The following DDX42 variants were observed in gnomAD, a reference collection of about 807,000 sequenced individuals.
DDX42 encodes DEAD-box helicase 42.
DDX42 carries 22 observed loss-of-function variants against 101.5 expected under a neutral mutation model. The ratio of observed to expected loss-of-function variants is 0.22; its 90% CI spans 0.15 to 0.31. The LOEUF (loss-of-function observed/expected upper bound fraction) is 0.31. Among genes scored for constraint, DDX42 ranks in the 10% least tolerant of loss-of-function variants. The pLI is 1.00. For missense variants in DDX42, 849 were observed against 1,199.9 expected, an observed-to-expected ratio of 0.71 and a Z score of 4.32; for synonymous variants, 402 against 401.2, an observed-to-expected ratio of 1.00 and a Z score of -0.02.
At chr17:63,799,433 G>A (rs1423690324) in intron 4 of DDX42, 156 bp from the exon 5 acceptor site, 3 of 649,772 alleles carry the variant, frequency 4.6e-6, no homozygotes, top group Non-Finnish European at 8.0e-6. Context: ...TATATATAAT[G>A]GGGTGGATAG....
At position 63,812,178 on chromosome 17, in the gene DDX42, A is replaced by T; in HGVS notation, c.1645A>T (p.Ile549Phe). Residue 549 changes from isoleucine (I) to phenylalanine (F), a missense_variant, in exon 14 of 18, where the codon ATC (isoleucine) becomes TTC (phenylalanine). By Grantham distance (21) the Ile-to-Phe change is conservative. Around this residue, in one of 5 missense-constraint regions of DDX42, gnomAD observed 370 missense variants for 608.8 expected, o/e 0.61. Transcript: ENST00000389924. ...KVISDFKKKD[I>F]PVLVATDVAA... ...CATTTCAGACTTTAAGAAAAAGGAC[A>T]TCCCAGTCCTGGTGGCCACAGATGT... is the stretch of plus-strand genomic sequence containing the variant. The T allele has an allele frequency of 6.2e-7, 1 of 1,613,650 alleles. No homozygotes were observed. The highest frequency in any genetic ancestry group is 8.5e-7 in the Non-Finnish European group (1 of 1,179,638).
intron 3 of DDX42, among the ~76,000 whole-genome samples, chr17:63,796,906 C>T (rs2039700243): frequency 6.6e-6 from 1 of 152,134 alleles, no homozygotes; most frequent in South Asian, 2.1e-4. Flanking sequence ...AACACCCGAT[C>T]ATGCCACAGT....
intron 2 of DDX42, among the ~76,000 whole-genome samples, chr17:63,789,577 T>TTTTTG (rs2039599831): frequency 2.7e-5 from 3 of 109,982 alleles, no homozygotes; most frequent in African/African-American, 4.2e-5. Flanking sequence ...TTTTGTTTTT[T>TTTTTG]TTTTTTTTTT....
At chr17:63,811,220 A>T (rs748939185) in intron 13 of DDX42, 47 bp downstream of exon 13, 1 of 1,337,088 alleles carries the variant, frequency 7.5e-7, no homozygotes. Flanking sequence ...TTTATTTCTC[A>T]TATTATGGAA....
chr17:63,785,502 C>T (rs1249338054), intron 1 of DDX42, among the ~76,000 whole-genome samples: 2 of 141,932 alleles, frequency 1.4e-5, no homozygotes, highest in Admixed American at 7.1e-5. Context: ...TGGCTCATGC[C>T]TGTAATCCCA....
chr17:63,809,596 A>G lies in DDX42; in HGVS notation c.1189A>G (p.Asn397Asp). The stretch of plus-strand genomic sequence containing the variant: ...AGATCATGTGAAAAAGAAAGCTACC[A>G]ATCTTCAAAGAGTCTCTTACCTTGT... ...LIDHVKKKATNLQRVSYLVFD... is the reference protein window; with the variant it reads ...LIDHVKKKATDLQRVSYLVFD... The change falls in exon 11 of 18, where the codon AAT (asparagine) becomes GAT (aspartate). Residue 397 changes from asparagine (N) to aspartate (D), a missense_variant. Asn to Asp is a conservative substitution (Grantham distance 23, BLOSUM62 1). Around this residue, in one of 5 missense-constraint regions of DDX42, gnomAD observed 370 missense variants for 608.8 expected, o/e 0.61. Coordinates refer to ENST00000389924, the MANE Select transcript of DDX42 (RefSeq NM_203499.3). The G allele has an allele frequency of 6.2e-7, 1 of 1,614,138 alleles. No homozygotes were observed. Among genetic ancestry groups the G allele is most frequent in the East Asian group, 2.2e-5 (1 of 44,862 alleles).
At chr17:63,815,382 G>C (rs2039964531) in intron 15 of DDX42, among the ~76,000 whole-genome samples, 181 bp from the exon 16 acceptor site, 1 of 152,170 alleles carries the variant, frequency 6.6e-6, no homozygotes, top group Non-Finnish European at 1.5e-5. Flanking sequence ...CAAATTTGGT[G>C]GATTATGCTA....
intron 1 of DDX42, among the ~76,000 whole-genome samples, chr17:63,781,433 G>T (rs1178581722): frequency 6.6e-6 from 1 of 151,942 alleles, no homozygotes; most frequent in East Asian, 2.0e-4. Flanking sequence ...TAGCCAGGAT[G>T]GTCTTGATCT....
intron 6 of DDX42, among the ~76,000 whole-genome samples, chr17:63,801,045 T>C (rs1375800824): frequency 6.6e-6 from 1 of 151,614 alleles, no homozygotes; most frequent in Non-Finnish European, 1.5e-5. Context: ...TTTCTTCTCT[T>C]TTATTTTCTT....
chr17:63,800,366 G>A, intron 5 of DDX42, 102 bp from the exon 6 acceptor site: 2 of 1,123,652 alleles, frequency 1.8e-6, no homozygotes, highest in Non-Finnish European at 2.5e-6. Flanking sequence ...TGGTAGGTAT[G>A]TTAACTGTGC....
At chr17:63,809,484 C>T (rs2039883393) in intron 10 of DDX42, 76 bp from the exon 11 acceptor site, 2 of 1,179,508 alleles carry the variant, frequency 1.7e-6, no homozygotes, top group East Asian at 4.7e-5. Context: ...AGCACTTTTG[C>T]CAGGAGTGCA....
chr17:63,779,704 C>T (rs1252615436), intron 1 of DDX42, among the ~76,000 whole-genome samples: 1 of 152,134 alleles, frequency 6.6e-6, no homozygotes, highest in African/African-American at 2.4e-5. Context: ...CACTCTTCTA[C>T]TCTGTGTCTC....
At chr17:63,779,662 C>T (rs548880875) in intron 1 of DDX42, among the ~76,000 whole-genome samples, 17 of 152,188 alleles carry the variant, frequency 1.1e-4, no homozygotes, top group South Asian at 2.1e-4. Context: ...ACAATAACAC[C>T]CTATTCTCCC....
At chr17:63,791,550 A>T (rs1180006449) in intron 2 of DDX42, among the ~76,000 whole-genome samples, 2 of 152,056 alleles carry the variant, frequency 1.3e-5, no homozygotes, top group Non-Finnish European at 2.9e-5. Flanking sequence ...ACATCAAGTG[A>T]TGCACCTGTC....
chr17:63,783,049 A>C (rs537549826), intron 1 of DDX42, among the ~76,000 whole-genome samples: 3 of 152,112 alleles, frequency 2.0e-5, no homozygotes, highest in Non-Finnish European at 2.9e-5. Flanking sequence ...TCTTTGATCT[A>C]ATGCCTCTTG....
In DDX42 at chr17:63,818,260, G is replaced by A; in HGVS notation, c.2679G>A (p.Glu893=). ...GESRKEAFNR[E]SKMEPKMEPK... is the part of the protein sequence containing the mutation. Reference sequence around the variant, plus strand: ...GCAGGAAAGAAGCTTTTAATCGTGAGAGCAAGATGGAGCCCAAGATGGAAC... The same window carrying A: ...GCAGGAAAGAAGCTTTTAATCGTGAAAGCAAGATGGAGCCCAAGATGGAAC... Residue 893 remains glutamate (E), a synonymous_variant, in exon 18 of 18, where the codon GAG becomes GAA. Coordinates refer to ENST00000389924, the MANE Select transcript of DDX42 (RefSeq NM_203499.3). 1 of 1,614,122 alleles carries A rather than the reference G, an allele frequency of 6.2e-7. No homozygotes were observed. The highest frequency in any genetic ancestry group is 8.5e-7 in the Non-Finnish European group (1 of 1,180,034).
At chr17:63,815,092 C>T (rs183142958) in intron 15 of DDX42, among the ~76,000 whole-genome samples, 149 of 152,322 alleles carry the variant, frequency 9.8e-4, no homozygotes, top group Middle Eastern at 6.8e-3. Flanking sequence ...GGCTACCATC[C>T]TTTCTGGGAG....
chr17:63,818,359 A>G lies in DDX42; in HGVS notation c.2778A>G (p.Pro926=), dbSNP rs751714446. The G allele has an allele frequency of 1.2e-6, 2 of 1,613,904 alleles. No homozygotes were observed. The highest frequency in any genetic ancestry group is 1.7e-6 in the Non-Finnish European group (2 of 1,180,042). ...AGACAGCTGACGGCTTTGCTGTCCC[A>G]GAGCCGCCTAAACGCAAGAAAAGTC... ...TDKTADGFAV[P]EPPKRKKSRW... The change falls in exon 18 of 18, where the codon CCA becomes CCG. Residue 926 remains proline (P), a synonymous_variant. Coordinates refer to ENST00000389924, the MANE Select transcript of DDX42 (RefSeq NM_203499.3).
At position 63,818,341 on chromosome 17, in the gene DDX42, T is replaced by C; in HGVS notation, c.2760T>C (p.Ala920=). ...TGGACAGCAAGACAGATAAGACAGC[T>C]GACGGCTTTGCTGTCCCAGAGCCGC... ...DKVDSKTDKT[A]DGFAVPEPPK... is the part of the protein sequence containing the mutation. The change falls in exon 18 of 18, where the codon GCT becomes GCC. Residue 920 remains alanine (A), a synonymous_variant. Transcript: ENST00000389924. The C allele has an allele frequency of 1.9e-6, 3 of 1,614,082 alleles. No individual in the cohort carries two copies. The highest frequency in any genetic ancestry group is 1.7e-6 in the Non-Finnish European group (2 of 1,180,034).
Sources: gnomAD v4.1 joint callset for allele counts (sites outside exome capture counted in the v4.1 genomes callset) on GRCh38, gnomAD v4.1.1 for gene constraint, gnomAD v4.1.1 regional missense constraint, MANE v1.5 for transcripts, NCBI Gene and HGNC (gene_info 2026-07-23, HGNC 2026-07-21) for gene names.